The following LINGO2 variants were observed in gnomAD, a reference collection of about 807,000 sequenced individuals.
LINGO2 encodes leucine-rich repeat and immunoglobulin-like domain-containing nogo receptor-interacting protein 2.
A neutral mutation model predicts 30.6 loss-of-function variants in LINGO2; 14 were observed. The observed-to-expected ratio is 0.46, with a 90% confidence interval of 0.30 to 0.72. The LOEUF (loss-of-function observed/expected upper bound fraction) is 0.72, where lower values mean the gene tolerates loss of function less well. Among genes scored for constraint, LINGO2 ranks in the 30% least tolerant of loss-of-function variants. The pLI, the probability that LINGO2 is intolerant of heterozygous loss-of-function variation, is 0.07. For missense variants in LINGO2, 729 were observed against 751.7 expected (o/e 0.97, Z 0.35); for synonymous variants, 317 against 288.5 (o/e 1.10, Z -1.00).
intron 5 of LINGO2, among the ~76,000 whole-genome samples, chr9:27,984,555 G>A (rs1425958090): frequency 6.6e-6 from 1 of 151,814 alleles, no homozygotes. Flanking sequence ...TGTGGTCTGA[G>A]GGAATATAGA....
intron 4 of LINGO2, among the ~76,000 whole-genome samples, chr9:28,060,098 T>A (rs1394065296): frequency 6.6e-6 from 1 of 151,868 alleles, no homozygotes; most frequent in East Asian, 1.9e-4. Flanking sequence ...TACATAAATA[T>A]GTAGTCTCCT....
the LINGO2 span, among the ~76,000 whole-genome samples, chr9:29,056,893 G>A: frequency 2.0e-5 from 3 of 152,140 alleles, no homozygotes; most frequent in Admixed American, 2.0e-4. Flanking sequence ...AGTTCAGCCA[G>A]ATGTAAGAAT....
At chr9:29,195,700 T>C in the LINGO2 span, among the ~76,000 whole-genome samples, 2 of 152,132 alleles carry the variant, frequency 1.3e-5, no homozygotes, top group Non-Finnish European at 2.9e-5. Flanking sequence ...TTTGCTAATA[T>C]TGAATTTTGA....
chr9:28,356,955 A>G (rs1820232469), intron 3 of LINGO2, among the ~76,000 whole-genome samples: 5 of 151,922 alleles, frequency 3.3e-5, no homozygotes, highest in Admixed American at 2.6e-4. Flanking sequence ...TTAAAGGGCT[A>G]CACACTAACT....
chr9:28,705,000 T>C, the LINGO2 span, among the ~76,000 whole-genome samples: 1 of 152,090 alleles, frequency 6.6e-6, no homozygotes, highest in South Asian at 2.1e-4. Context: ...CACTGCAATC[T>C]CTGCCTCCTA....
chr9:28,099,246 C>G (rs1427667312), intron 4 of LINGO2, among the ~76,000 whole-genome samples: 7 of 152,010 alleles, frequency 4.6e-5, no homozygotes, highest in Non-Finnish European at 1.0e-4. Flanking sequence ...ATCAGTGGAG[C>G]AAAGCATCTA....
chr9:27,945,643 TGCTGG>T (rs1823336412), downstream of LINGO2, among the ~76,000 whole-genome samples: 2 of 152,142 alleles, frequency 1.3e-5, no homozygotes, highest in Non-Finnish European at 2.9e-5. Flanking sequence ...TTGGCCCCTG[TGCTGG>T]TATGAGCTGT....
intron 1 of LINGO2, among the ~76,000 whole-genome samples, chr9:28,495,803 T>C (rs1285370864): frequency 6.6e-6 from 1 of 152,198 alleles, no homozygotes; most frequent in Non-Finnish European, 1.5e-5. Context: ...TTTAGTGCTA[T>C]AAATTTCCCT....
the LINGO2 span, among the ~76,000 whole-genome samples, chr9:29,067,652 G>A: frequency 6.6e-5 from 10 of 150,436 alleles, no homozygotes; most frequent in East Asian, 5.9e-4. Context: ...TAAAGAAAAC[G>A]ATAGGGAAAA....
At chr9:28,193,894 T>C (rs1319587181) in intron 4 of LINGO2, among the ~76,000 whole-genome samples, 1 of 152,176 alleles carries the variant, frequency 6.6e-6, no homozygotes, top group East Asian at 1.9e-4. Context: ...TTTGGTCTCC[T>C]TTACAGAGGG....
At chr9:28,060,363 A>G (rs1426169165) in intron 4 of LINGO2, among the ~76,000 whole-genome samples, 1 of 152,206 alleles carries the variant, frequency 6.6e-6, no homozygotes, top group Non-Finnish European at 1.5e-5. Context: ...CCCTAATTAC[A>G]CTGTATAATG....
chr9:28,338,786 G>A (rs953477539), intron 3 of LINGO2, among the ~76,000 whole-genome samples: 2 of 152,028 alleles, frequency 1.3e-5, no homozygotes, highest in African/African-American at 2.4e-5. Flanking sequence ...ATGATTGTAA[G>A]TTTCCTGAGG....
chr9:28,508,542 T>C (rs190220818), intron 1 of LINGO2, among the ~76,000 whole-genome samples: 3 of 152,270 alleles, frequency 2.0e-5, no homozygotes, highest in Non-Finnish European at 4.4e-5. Flanking sequence ...CTAGCCCATA[T>C]GTGAAATGAT....
intron 4 of LINGO2, among the ~76,000 whole-genome samples, chr9:28,236,715 G>C (rs990892596): frequency 6.6e-6 from 1 of 152,028 alleles, no homozygotes; most frequent in African/African-American, 2.4e-5. Context: ...ATAAATACAA[G>C]GATGTTTACC....
chr9:28,247,858 T>G (rs969401645), intron 4 of LINGO2, among the ~76,000 whole-genome samples: 3 of 152,176 alleles, frequency 2.0e-5, no homozygotes, highest in African/African-American at 7.2e-5. Context: ...TTTGAAAATG[T>G]GCCAACATCA....
At chr9:28,037,280 C>T (rs1183777954) in intron 4 of LINGO2, among the ~76,000 whole-genome samples, 1 of 152,180 alleles carries the variant, frequency 6.6e-6, no homozygotes, top group Non-Finnish European at 1.5e-5. Flanking sequence ...TATCATCTTA[C>T]CAGGGCGCAC....
intron 1 of LINGO2, among the ~76,000 whole-genome samples, chr9:28,483,747 C>A (rs1159735380): frequency 6.6e-6 from 1 of 151,872 alleles, no homozygotes; most frequent in Non-Finnish European, 1.5e-5. Context: ...AAACTTATGG[C>A]ACATTTTACA....
chr9:28,939,950 C>G, the LINGO2 span, among the ~76,000 whole-genome samples: 1 of 152,150 alleles, frequency 6.6e-6, no homozygotes, highest in Non-Finnish European at 1.5e-5. Context: ...CCAGCATTGT[C>G]TGTGGCTGTT....
chr9:28,903,108 A>G, the LINGO2 span, among the ~76,000 whole-genome samples: 64 of 151,966 alleles, frequency 4.2e-4, no homozygotes, highest in African/African-American at 1.5e-3. Context: ...TGAGAAAGAA[A>G]CAAAATTGGC....
Sources: allele counts gnomAD v4.1 joint callset (sites outside exome capture counted in the v4.1 genomes callset), GRCh38; gene constraint gnomAD v4.1.1; transcripts MANE v1.5; gene names NCBI Gene and HGNC (gene_info 2026-07-23, HGNC 2026-07-21).